Variants in L3MBTL3 observed in about 807,000 individuals in gnomAD.
L3MBTL3 encodes lethal(3)malignant brain tumor-like protein 3.
L3MBTL3 carries 27 observed loss-of-function variants against 102.3 expected under a neutral mutation model. The ratio of observed to expected loss-of-function variants is 0.26; its 90% CI spans 0.19 to 0.36. The LOEUF is 0.36. Among genes scored for constraint, L3MBTL3 ranks in the 10% least tolerant of loss-of-function variants. The pLI, the probability that L3MBTL3 is intolerant of heterozygous loss-of-function variation, is 1.00. For synonymous variants in L3MBTL3, 340 were observed against 320.9 expected (o/e 1.06, Z -0.64); for missense variants, 798 against 955.3 (o/e 0.84, Z 2.17).
At chr6:130,096,524 A>G (rs892115006) in intron 18 of L3MBTL3, among the ~76,000 whole-genome samples, 1 of 152,224 alleles carries the variant, frequency 6.6e-6, no homozygotes, top group Non-Finnish European at 1.5e-5. Flanking sequence ...GAAGGAAGAC[A>G]CACCTTATGG....
chr6:130,052,911 A>G lies in L3MBTL3; in HGVS notation c.502A>G (p.Lys168Glu). Residue 168 changes from lysine (K) to glutamate (E), a missense_variant, in exon 7 of 23, where the codon AAG (lysine) becomes GAG (glutamate). Lys to Glu is a moderately conservative substitution (Grantham distance 56). Around this residue, in one of 4 missense-constraint regions of L3MBTL3, gnomAD observed 434 missense variants for 506.6 expected, o/e 0.86. Coordinates refer to ENST00000361794, the MANE Select transcript of L3MBTL3 (RefSeq NM_032438.4). ...VEEDNEEEDP[K>E]CSRKKKPKLS... ...AGAAGACAATGAGGAAGAAGATCCT[A>G]AGTGTAGTCGGAAGAAAAAACCAAA... The G allele has an allele frequency of 6.2e-7, 1 of 1,613,984 alleles. No homozygotes were observed. Among genetic ancestry groups the G allele is most frequent in the Non-Finnish European group, 8.5e-7 (1 of 1,179,824 alleles).
intron 19 of L3MBTL3, among the ~76,000 whole-genome samples, chr6:130,110,638 A>T (rs1482837834): frequency 6.6e-6 from 1 of 152,202 alleles, no homozygotes; most frequent in Admixed American, 6.5e-5. Flanking sequence ...TGTCGTCCAC[A>T]AACAGACAAT....
At chr6:130,019,303 G>A (rs1243625468) in intron 1 of L3MBTL3, 3 of 145,486 alleles carry the variant, frequency 2.1e-5, no homozygotes, top group Non-Finnish European at 4.6e-5. Flanking sequence ...CGAGGCGGGG[G>A]GCGCCGGCGG....
At chr6:130,052,715 C>T in intron 6 of L3MBTL3, 144 bp from the exon 7 acceptor site, 1 of 931,740 alleles carries the variant, frequency 1.1e-6, no homozygotes, top group Non-Finnish European at 1.6e-6. Flanking sequence ...ATGATATTCT[C>T]ATGCCTACAG....
At chr6:130,070,783 CTTTTTT>C (rs774204472) in intron 12 of L3MBTL3, 187 bp from the exon 13 acceptor site, 9 of 110,336 alleles carry the variant, frequency 8.2e-5, no homozygotes, top group African/African-American at 1.2e-4. Flanking sequence ...ACAGTAGGAC[CTTTTTT>C]TTTTTTTTTT....
At position 130,141,074 on chromosome 6, in the gene L3MBTL3, G is replaced by C. The variant is rs191909351; in HGVS notation, c.*1321G>C. 5.9e-5 allele frequency: 9 copies of C among 152,526 alleles called. No individual in the cohort carries two copies. The highest frequency in any genetic ancestry group is 5.9e-4 in the Admixed American group (9 of 15,302). 9.4% of individuals were successfully genotyped at this position (152,526 alleles called of 1,614,324 possible). On this transcript the variant is annotated 3_prime_UTR_variant, in exon 23 of 23. Coordinates refer to ENST00000361794, the MANE Select transcript of L3MBTL3 (RefSeq NM_032438.4). ...AGGTAAATTATTTTGTCCGTCTTTT[G>C]ATGTACTTTCTGATTCCAGGATTGG...
chr6:130,094,225 A>C, intron 17 of L3MBTL3, 40 bp from the exon 18 acceptor site: 1 of 1,493,436 alleles, frequency 6.7e-7, no homozygotes, highest in Non-Finnish European at 9.3e-7. Context: ...ATTTTTGCTT[A>C]ATATTTTGCC....
rs1025826410 is a variant in L3MBTL3, at chr6:130,140,022, T to A, written c.*269T>A. On this transcript the variant is annotated 3_prime_UTR_variant, in exon 23 of 23. Coordinates refer to ENST00000361794, the MANE Select transcript of L3MBTL3 (RefSeq NM_032438.4). ...TGTAAATCTTTTTGAGTCTGGGGGG[T>A]GGGGGGAAGGGGGGCTTCATTAATT... is the stretch of plus-strand genomic sequence containing the variant. The A allele has an allele frequency of 4.0e-5, 1 of 25,212 alleles. No individual in the cohort carries two copies. The highest frequency in any genetic ancestry group is 7.6e-5 in the Non-Finnish European group (1 of 13,072). 1.6% of individuals were successfully genotyped at this position (25,212 alleles called of 1,614,324 possible).
chr6:130,057,200 T>C (rs926744950), intron 8 of L3MBTL3, among the ~76,000 whole-genome samples: 2 of 152,206 alleles, frequency 1.3e-5, no homozygotes, highest in African/African-American at 4.8e-5. Flanking sequence ...TTCCATCTTC[T>C]ACCCTCCTCA....
intron 22 of L3MBTL3, among the ~76,000 whole-genome samples, chr6:130,134,115 A>G (rs1787361202): frequency 6.6e-6 from 1 of 152,224 alleles, no homozygotes. Flanking sequence ...TGTGAGTACC[A>G]TTTTATGATA....
chr6:130,124,945 G>A (rs1385312094), intron 20 of L3MBTL3, among the ~76,000 whole-genome samples: 1 of 151,834 alleles, frequency 6.6e-6, no homozygotes, highest in Non-Finnish European at 1.5e-5. Flanking sequence ...ACTCCAGCCT[G>A]GGCAACAAGA....
intron 2 of L3MBTL3, among the ~76,000 whole-genome samples, chr6:130,036,832 C>T (rs1381085327): frequency 1.3e-5 from 2 of 152,068 alleles, no homozygotes; most frequent in Admixed American, 6.6e-5. Flanking sequence ...CTGAGGTGTA[C>T]CATATTCTGG....
At chr6:130,131,912 C>T (rs192209715) in intron 20 of L3MBTL3, among the ~76,000 whole-genome samples, 14 of 152,312 alleles carry the variant, frequency 9.2e-5, no homozygotes, top group African/African-American at 3.4e-4. Context: ...ATCTTGTCCA[C>T]ATCTCCTAGC....
chr6:130,086,159 A>T lies in L3MBTL3; in HGVS notation c.1427A>T (p.Gln476Leu), dbSNP rs1387147027. 3 of 1,612,904 alleles carry T rather than the reference A, an allele frequency of 1.9e-6. No homozygotes were observed. The highest frequency in any genetic ancestry group is 2.5e-6 in the Non-Finnish European group (3 of 1,179,516). ...TGGCAGAAACCTCCTCATGGATTCC[A>T]GAAAAAAATGAAGCTTGAGGTTGTA... is the stretch of plus-strand genomic sequence containing the variant. Reference protein sequence around the residue: ...AFKVKPPHGFQKKMKLEVVDK... With the variant: ...AFKVKPPHGFLKKMKLEVVDK... The change falls in exon 16 of 23, where the codon CAG becomes CTG. Residue 476 changes from glutamine to leucine, a missense_variant. By Grantham distance (113) the Gln-to-Leu change is moderately radical. This residue lies in a region of L3MBTL3 where 306 missense variants were observed against 314.4 expected (regional missense o/e 0.97). Coordinates refer to ENST00000361794, the MANE Select transcript of L3MBTL3 (RefSeq NM_032438.4).
chr6:130,122,233 T>C (rs1786273813), intron 20 of L3MBTL3, among the ~76,000 whole-genome samples: 2 of 152,250 alleles, frequency 1.3e-5, no homozygotes. Flanking sequence ...TGGCACCTGA[T>C]GGCTGTTTGC....
intron 2 of L3MBTL3, among the ~76,000 whole-genome samples, chr6:130,027,123 G>C (rs1001550495): frequency 7.2e-5 from 11 of 152,146 alleles, no homozygotes; most frequent in Non-Finnish European, 1.2e-4. Flanking sequence ...GGGTGGTTTT[G>C]TATTGCAATG....
intron 19 of L3MBTL3, among the ~76,000 whole-genome samples, chr6:130,112,988 C>T (rs1785449561): frequency 6.6e-6 from 1 of 152,204 alleles, no homozygotes; most frequent in South Asian, 2.1e-4. Context: ...CCTCACGCTG[C>T]TCCTAGAGGC....
At chr6:130,104,865 C>T (rs1454226277) in intron 19 of L3MBTL3, among the ~76,000 whole-genome samples, 2 of 151,766 alleles carry the variant, frequency 1.3e-5, no homozygotes, top group African/African-American at 2.4e-5. Context: ...CATTTTACTG[C>T]ATACCAGTTA....
In L3MBTL3 at chr6:130,049,242, G is replaced by A. The variant is rs762497872; in HGVS notation, c.103-40G>A. On this transcript the variant is annotated intron_variant, in intron 3 of 22. Coordinates refer to ENST00000361794, the MANE Select transcript of L3MBTL3 (RefSeq NM_032438.4). ...ATTAAATAATTAATGACTTTCCTGA[G>A]CACTTTTTAAATTTTGCCTTTCTGC... is the stretch of plus-strand genomic sequence containing the variant. The A allele has an allele frequency of 5.4e-6, 6 of 1,119,916 alleles. No homozygotes were observed. The South Asian group carries it at 6.4e-5, about 12-fold the overall frequency. The allele number at this position is 1,119,916 out of a possible 1,614,324, so 69.4% of individuals were successfully genotyped here.
Sources: gnomAD v4.1 joint callset for allele counts (sites outside exome capture counted in the v4.1 genomes callset) on GRCh38, gnomAD v4.1.1 for gene constraint, gnomAD v4.1.1 regional missense constraint, MANE v1.5 for transcripts, NCBI Gene and HGNC (gene_info 2026-07-23, HGNC 2026-07-21) for gene names.